SRGAP2: variants seen among roughly 807,000 people sequenced by gnomAD.
SRGAP2 encodes SLIT-ROBO Rho GTPase activating protein 2, also known as SLIT-ROBO Rho GTPase-activating protein 2.
A neutral mutation model predicts 57.2 loss-of-function variants in SRGAP2; 15 were observed. That is an observed-to-expected ratio of 0.26 (90% confidence interval 0.18 to 0.40). The LOEUF is 0.40. Ranked by LOEUF, SRGAP2 falls within the 10% of genes least tolerant of loss-of-function variation. SRGAP2 has a pLI of 1.00. For missense variants in SRGAP2, 520 were observed against 669.6 expected, an observed-to-expected ratio of 0.78 and a Z score of 2.47; for synonymous variants, 249 against 248.0, an observed-to-expected ratio of 1.00 and a Z score of -0.04.
At chr1:206,435,616 T>G (rs1661659027) in intron 14 of SRGAP2, among the ~76,000 whole-genome samples, 1 of 152,194 alleles carries the variant, frequency 6.6e-6, no homozygotes. Context: ...TGCACTCCAG[T>G]AGACTCCAGA....
intron 2 of SRGAP2, among the ~76,000 whole-genome samples, chr1:206,256,289 C>T (rs545148463): frequency 0.012 from 1,762 of 152,236 alleles, 10 homozygotes; most frequent in Middle Eastern, 0.024. Flanking sequence ...AAATTCCCTC[C>T]TTACTTCCCA....
At position 206,418,797 on chromosome 1, in the gene SRGAP2, A is replaced by T. The variant is rs76622313; in HGVS notation, c.1442-576A>T. Among the ~76,000 whole-genome samples, 985 of 152,036 alleles carry T rather than the reference A, an allele frequency of 6.5e-3. 12 individuals are homozygous for T. The highest frequency in any genetic ancestry group is 0.023 in the African/African-American group (948 of 41,456). Reference sequence around the variant, plus strand: ...CCACCTCAGTCAAACCTAACAGGAGAATTTACTATGAATCTAAAGCTAGAA... The same window carrying T: ...CCACCTCAGTCAAACCTAACAGGAGTATTTACTATGAATCTAAAGCTAGAA... On this transcript the variant is annotated intron_variant, in intron 11 of 22. Coordinates refer to ENST00000573034, the MANE Select transcript of SRGAP2 (RefSeq NM_015326.5).
intron 2 of SRGAP2, among the ~76,000 whole-genome samples, chr1:206,214,161 G>A (rs1666497360): frequency 2.7e-5 from 4 of 149,506 alleles, no homozygotes; most frequent in African/African-American, 9.8e-5. Flanking sequence ...CAATCTGACT[G>A]CAACCTATTG....
At chr1:206,324,807 A>G (rs1250444287) in intron 3 of SRGAP2, among the ~76,000 whole-genome samples, 4 of 152,154 alleles carry the variant, frequency 2.6e-5, no homozygotes, top group Non-Finnish European at 5.9e-5. Context: ...TAGTTGGACC[A>G]CTTATCTTAC....
intron 10 of SRGAP2, among the ~76,000 whole-genome samples, chr1:206,409,967 GGCGCAT>G (rs1418626379): frequency 1.3e-5 from 2 of 152,120 alleles, no homozygotes; most frequent in Non-Finnish European, 2.9e-5. Flanking sequence ...TGGGCGTGGT[GGCGCAT>G]GCCTGTAATC....
chr1:206,313,937 C>T (rs1672860207), intron 3 of SRGAP2, among the ~76,000 whole-genome samples: 1 of 151,888 alleles, frequency 6.6e-6, no homozygotes. Context: ...GTGGAAAGCA[C>T]CTGGTACAGG....
intron 21 of SRGAP2, chr1:206,455,410 A>G: frequency 4.1e-6 from 1 of 245,828 alleles, no homozygotes; most frequent in South Asian, 4.5e-5. Flanking sequence ...TACTCAAATA[A>G]TAGTCTTTGA....
At chr1:206,296,727 T>G (rs1454537022) in intron 2 of SRGAP2, 1 of 151,668 alleles carries the variant, frequency 6.6e-6, no homozygotes, top group Non-Finnish European at 1.5e-5. Context: ...CCACTGTGCC[T>G]GGCCTGTTTT....
intron 3 of SRGAP2, among the ~76,000 whole-genome samples, chr1:206,307,736 G>A (rs1428784771): frequency 1.3e-5 from 2 of 152,248 alleles, no homozygotes; most frequent in Admixed American, 1.3e-4. Flanking sequence ...AGGGCTGGCC[G>A]GCTGCTCCGA....
intron 5 of SRGAP2, among the ~76,000 whole-genome samples, chr1:206,392,015 A>G (rs1553350715): frequency 6.7e-6 from 1 of 150,028 alleles, no homozygotes. Flanking sequence ...TGTTGTCTAG[A>G]TTGTGGAATT....
At chr1:206,418,503 G>A (rs1023004455) in intron 11 of SRGAP2, among the ~76,000 whole-genome samples, 2 of 152,218 alleles carry the variant, frequency 1.3e-5, no homozygotes, top group Admixed American at 6.5e-5. Flanking sequence ...ACCTGCTAGG[G>A]TTTGCCCCTG....
chr1:206,366,221 C>T (rs186395861), intron 4 of SRGAP2, among the ~76,000 whole-genome samples: 11 of 152,250 alleles, frequency 7.2e-5, no homozygotes, highest in Non-Finnish European at 1.3e-4. Context: ...GGCTTGGAGA[C>T]CCTGACCCCA....
intron 2 of SRGAP2, among the ~76,000 whole-genome samples, chr1:206,257,744 ACATATATATATAC>A (rs1401357270): frequency 8.6e-5 from 9 of 104,498 alleles, no homozygotes; most frequent in Middle Eastern, 4.2e-3. Context: ...CTATATATAT[ACATATATATATAC>A]TATATATATA....
At chr1:206,421,328 A>G (rs1660286216) in intron 13 of SRGAP2, 54 bp downstream of exon 13, 1 of 746,192 alleles carries the variant, frequency 1.3e-6, no homozygotes, top group Admixed American at 1.9e-5. Flanking sequence ...AGTCCATCCC[A>G]CAGGCATTTA....
intron 2 of SRGAP2, among the ~76,000 whole-genome samples, chr1:206,276,916 T>G (rs1358721529): frequency 6.6e-6 from 1 of 152,000 alleles, no homozygotes; most frequent in Non-Finnish European, 1.5e-5. Context: ...GGATTGGATA[T>G]CCAAGCTGTT....
rs553027948 is a variant in SRGAP2 at position 206,334,950 on chromosome 1, G to A, written c.261-7896G>A. Among the ~76,000 whole-genome samples, 19 of 150,952 alleles carry A rather than the reference G, an allele frequency of 1.3e-4. 1 individual carries two copies. The East Asian group carries it at 3.3e-3, about 26-fold the overall frequency. ...AGAAGAAAAAATCAAAGATATAATTGTAGAGTTGTTCACAGGTTTTTCTAT... is the reference window on the plus strand; with the variant it reads ...AGAAGAAAAAATCAAAGATATAATTATAGAGTTGTTCACAGGTTTTTCTAT... On this transcript the variant is annotated intron_variant, in intron 3 of 22. Transcript: ENST00000573034.
At chr1:206,302,367 T>C (rs1330709301) in intron 2 of SRGAP2, among the ~76,000 whole-genome samples, 1 of 152,140 alleles carries the variant, frequency 6.6e-6, no homozygotes, top group Non-Finnish European at 1.5e-5. Flanking sequence ...TGTTCGCATC[T>C]ATAGCTGCCT....
intron 17 of SRGAP2, among the ~76,000 whole-genome samples, chr1:206,441,267 G>T (rs555613653): frequency 6.6e-6 from 1 of 152,314 alleles, no homozygotes; most frequent in Admixed American, 6.5e-5. Context: ...CAACCCTTAA[G>T]GGAGAAACCA....
chr1:206,357,582 C>CTT (rs781912077), intron 4 of SRGAP2, among the ~76,000 whole-genome samples: 1,918 of 77,906 alleles, frequency 0.025, 59 homozygotes, highest in African/African-American at 0.072. Flanking sequence ...GCTATGTTGT[C>CTT]TTTTTTTTTT....
Sources: allele counts gnomAD v4.1 joint callset (sites outside exome capture counted in the v4.1 genomes callset), GRCh38; gene constraint gnomAD v4.1.1; transcripts MANE v1.5; gene names NCBI Gene and HGNC (gene_info 2026-07-23, HGNC 2026-07-21).